UBE2E2: variants seen among roughly 807,000 people sequenced by gnomAD.
The protein encoded by UBE2E2 is ubiquitin conjugating enzyme E2 E2, also known as ubiquitin-conjugating enzyme E2 E2.
A neutral mutation model predicts 24.7 loss-of-function variants in UBE2E2; 6 were observed. The ratio of observed to expected loss-of-function variants is 0.24; its 90% CI spans 0.13 to 0.48. The LOEUF (loss-of-function observed/expected upper bound fraction) is 0.48, where lower values mean the gene tolerates loss of function less well. UBE2E2 is among the 20% of genes least tolerant of loss of function. The probability of loss-of-function intolerance (pLI) is 0.99; values close to 1 mark genes in which losing one functional copy is unlikely to be tolerated. For missense variants in UBE2E2, 169 were observed against 245.0 expected, an observed-to-expected ratio of 0.69 and a Z score of 2.07; for synonymous variants, 104 against 83.6, an observed-to-expected ratio of 1.24 and a Z score of -1.33.
chr3:23,287,529 G>T (rs940498696), intron 3 of UBE2E2, among the ~76,000 whole-genome samples: 2 of 152,052 alleles, frequency 1.3e-5, no homozygotes, highest in Non-Finnish European at 2.9e-5. Context: ...GATAAAATTC[G>T]GCCTTGAAGC....
intron 3 of UBE2E2, among the ~76,000 whole-genome samples, chr3:23,354,450 G>A (rs898756755): frequency 1.2e-4 from 19 of 152,112 alleles, no homozygotes; most frequent in Admixed American, 7.9e-4. Context: ...CAGGCAACCT[G>A]CAAAATGGGT....
chr3:23,283,160 G>T (rs538795652), intron 3 of UBE2E2, among the ~76,000 whole-genome samples: 2 of 152,080 alleles, frequency 1.3e-5, no homozygotes, highest in South Asian at 4.1e-4. Context: ...GCTCCTGTAA[G>T]TTCAGGTTAG....
At chr3:23,386,268 C>G (rs1422077346) in intron 3 of UBE2E2, among the ~76,000 whole-genome samples, 1 of 151,962 alleles carries the variant, frequency 6.6e-6, no homozygotes, top group Non-Finnish European at 1.5e-5. Flanking sequence ...GGTCCCCTTC[C>G]TTGTTTATAG....
intron 2 of UBE2E2, 87 bp from the exon 3 acceptor site, chr3:23,217,175 A>G: frequency 8.2e-7 from 1 of 1,218,832 alleles, no homozygotes; most frequent in East Asian, 2.5e-5. Flanking sequence ...CCAAAGGGAA[A>G]TGTTATTAAA....
chr3:23,257,518 C>G (rs1559459126), intron 3 of UBE2E2, among the ~76,000 whole-genome samples: 3 of 46,972 alleles, frequency 6.4e-5, no homozygotes, highest in Non-Finnish European at 8.8e-5. Flanking sequence ...CCGTGCCCCC[C>G]CCCCCCCCCC....
At chr3:23,352,720 T>C (rs1020857434) in intron 3 of UBE2E2, among the ~76,000 whole-genome samples, 3 of 152,004 alleles carry the variant, frequency 2.0e-5, no homozygotes, top group African/African-American at 4.8e-5. Context: ...AATAACAGGC[T>C]CTGAAATTGT....
intron 3 of UBE2E2, among the ~76,000 whole-genome samples, chr3:23,327,519 A>G (rs1694934475): frequency 6.6e-6 from 1 of 152,200 alleles, no homozygotes; most frequent in African/African-American, 2.4e-5. Flanking sequence ...AAACTCCTTA[A>G]GCAGCCTTTT....
At chr3:23,548,926 G>A (rs558101224) in intron 5 of UBE2E2, among the ~76,000 whole-genome samples, 114 of 152,200 alleles carry the variant, frequency 7.5e-4, no homozygotes, top group African/African-American at 2.7e-3. Context: ...GTATGCCAGG[G>A]CAAGAATGGC....
Position 23,205,963 on chromosome 3 carries a change from A to G in UBE2E2, c.-9+2499A>G, listed in dbSNP as rs556495185. The stretch of plus-strand genomic sequence containing the variant: ...AATATTGAGAAGAATGTGTGGCTTT[A>G]TAACTAATGTTATACACAACTGAAA... On this transcript the variant is annotated intron_variant, in intron 1 of 5. Coordinates refer to ENST00000396703, the MANE Select transcript of UBE2E2 (RefSeq NM_152653.4). Among the ~76,000 whole-genome samples the G allele has an allele frequency of 1.1e-4, 16 of 152,368 alleles. No homozygotes were observed. The South Asian group carries it at 2.5e-3, about 24-fold the overall frequency.
At position 23,568,461 on chromosome 3, in the gene UBE2E2, A is replaced by T. The variant is rs139118702; in HGVS notation, c.509-21273A>T. 1.4e-4 allele frequency among the ~76,000 whole-genome samples: 22 copies of T among 151,878 alleles called. No individual in the cohort carries two copies. In the South Asian group the frequency reaches 2.1e-3, roughly 14 times the overall value. The stretch of plus-strand genomic sequence containing the variant: ...ATTTTTTCTTTCGAGGTGGGAGTAG[A>T]CAGAAGAGACAATCAGGATAATCTT... On this transcript the variant is annotated intron_variant, in intron 5 of 5. Coordinates refer to ENST00000396703, the MANE Select transcript of UBE2E2 (RefSeq NM_152653.4).
intron 3 of UBE2E2, among the ~76,000 whole-genome samples, chr3:23,270,530 C>A (rs994295720): frequency 6.6e-6 from 1 of 152,164 alleles, no homozygotes; most frequent in African/African-American, 2.4e-5. Context: ...GTTCTGTTCT[C>A]CTTCTCCCCA....
chr3:23,571,721 A>T (rs1435991149), intron 5 of UBE2E2, among the ~76,000 whole-genome samples: 1 of 152,128 alleles, frequency 6.6e-6, no homozygotes, highest in Non-Finnish European at 1.5e-5. Context: ...CTCATATCTG[A>T]TTTAAATTTC....
chr3:23,301,811 C>T (rs1210744752), intron 3 of UBE2E2, among the ~76,000 whole-genome samples: 2 of 144,044 alleles, frequency 1.4e-5, no homozygotes, highest in East Asian at 1.9e-4. Flanking sequence ...CTTCAAAGCT[C>T]AGTTGGAAAT....
chr3:23,356,039 A>G (rs779384329), intron 3 of UBE2E2, among the ~76,000 whole-genome samples: 3 of 152,164 alleles, frequency 2.0e-5, no homozygotes, highest in South Asian at 4.1e-4. Flanking sequence ...GAGTTTTGCA[A>G]TTAATTGTAT....
At chr3:23,243,314 A>G (rs537832988) in intron 3 of UBE2E2, among the ~76,000 whole-genome samples, 5 of 152,314 alleles carry the variant, frequency 3.3e-5, no homozygotes, top group Non-Finnish European at 5.9e-5. Context: ...ATGAGGTAGC[A>G]GGTCTCATGC....
At position 23,232,596 on chromosome 3, in the gene UBE2E2, A is replaced by G. The variant is rs1305972138; in HGVS notation, c.227+15284A>G. Reference sequence around the variant, plus strand: ...AAAAATTGAATAAATGTTAGTGAAGAAAAGTTATGGTTTATTTGGGATGTG... The same window carrying G: ...AAAAATTGAATAAATGTTAGTGAAGGAAAGTTATGGTTTATTTGGGATGTG... On this transcript the variant is annotated intron_variant, in intron 3 of 5. Transcript: ENST00000396703. 3.9e-5 allele frequency among the ~76,000 whole-genome samples: 6 copies of G among 152,212 alleles called. No homozygotes were observed. The South Asian group carries it at 1.0e-3, about 26-fold the overall frequency.
intron 3 of UBE2E2, among the ~76,000 whole-genome samples, chr3:23,251,621 A>G (rs971906559): frequency 1.3e-5 from 2 of 152,230 alleles, no homozygotes; most frequent in East Asian, 3.8e-4. Flanking sequence ...TAAATAAGTA[A>G]TAGTAAATTA....
intron 3 of UBE2E2, among the ~76,000 whole-genome samples, chr3:23,350,213 A>G (rs1278383099): frequency 3.3e-5 from 5 of 152,338 alleles, no homozygotes; most frequent in East Asian, 1.9e-4. Context: ...CAGAAGGGAC[A>G]TCCACACCAA....
intron 3 of UBE2E2, among the ~76,000 whole-genome samples, chr3:23,375,256 C>A (rs1252955458): frequency 6.6e-6 from 1 of 152,114 alleles, no homozygotes; most frequent in Non-Finnish European, 1.5e-5. Context: ...ATAATTGACC[C>A]ATGGGAATCA....
Sources: allele counts gnomAD v4.1 joint callset (sites outside exome capture counted in the v4.1 genomes callset), GRCh38; gene constraint gnomAD v4.1.1; transcripts MANE v1.5; gene names NCBI Gene and HGNC (gene_info 2026-07-23, HGNC 2026-07-21).